Variants in PIK3CD observed in about 807,000 individuals in gnomAD.
PIK3CD encodes the protein phosphatidylinositol 4,5-bisphosphate 3-kinase catalytic subunit delta isoform.
Under a neutral mutation model 122.9 loss-of-function variants are expected in PIK3CD, and 20 were observed. The observed-to-expected ratio is 0.16, with a 90% CI of 0.11 to 0.24. The LOEUF (loss-of-function observed/expected upper bound fraction) is 0.24, where lower values mean the gene tolerates loss of function less well. PIK3CD is among the 10% of genes least tolerant of loss of function. The pLI, the probability that PIK3CD is intolerant of heterozygous loss-of-function variation, is 1.00. For missense variants in PIK3CD, 787 were observed against 1,406.3 expected (o/e 0.56, Z 7.04); for synonymous variants, 596 against 593.4 (o/e 1.00, Z -0.06).
chr1:9,690,405 T>G (rs1408227133), intron 1 of PIK3CD, among the ~76,000 whole-genome samples: 1 of 152,246 alleles, frequency 6.6e-6, no homozygotes, highest in Non-Finnish European at 1.5e-5. Context: ...CTTATGATCC[T>G]GTCTCATTTC....
Position 9,671,842 on chromosome 1 carries a change from T to A in PIK3CD, c.-137-19625T>A, listed in dbSNP as rs1355892804. On this transcript the variant is annotated intron_variant, in intron 1 of 23. Coordinates refer to ENST00000377346, the MANE Select transcript of PIK3CD (RefSeq NM_005026.5). The stretch of plus-strand genomic sequence containing the variant: ...GATCTTGAGCAGGCCATTTTCTTCC[T>A]CTCCCAGGGTGGTGGCAAGAGCCGC... 3.3e-5 allele frequency among the ~76,000 whole-genome samples: 5 copies of A among 152,114 alleles called. No individual in the cohort carries two copies. In the South Asian group the frequency reaches 1.0e-3, roughly 31 times the overall value.
intron 2 of PIK3CD, among the ~76,000 whole-genome samples, chr1:9,709,014 T>C (rs1646948614): frequency 6.6e-6 from 1 of 151,060 alleles, no homozygotes; most frequent in Non-Finnish European, 1.5e-5. Context: ...GACTGGAGGG[T>C]TTGGTATGAT....
upstream of PIK3CD, among the ~76,000 whole-genome samples, chr1:9,649,713 T>C (rs1644638603): frequency 6.6e-6 from 1 of 152,232 alleles, no homozygotes; most frequent in South Asian, 2.1e-4. Flanking sequence ...TTTAAGCCAT[T>C]GTTTCACTAA....
At chr1:9,693,763 G>A (rs538136811) in intron 2 of PIK3CD, among the ~76,000 whole-genome samples, 4 of 152,198 alleles carry the variant, frequency 2.6e-5, no homozygotes, top group South Asian at 2.1e-4. Flanking sequence ...ACAGGAAACC[G>A]ATAGGCGAGA....
the PIK3CD span, among the ~76,000 whole-genome samples, chr1:9,639,536 G>T: frequency 2.0e-5 from 3 of 152,192 alleles, no homozygotes; most frequent in Admixed American, 6.5e-5. Flanking sequence ...AGACTGAAGG[G>T]TTGGGGGCAG....
Position 9,720,536 on chromosome 1 carries a change from G to T in PIK3CD, c.1471-75G>T. ...CGCCCCCTCAAGGATGATTGGGGTG[G>T]CAATGCCCGGCCTGGGGGTCCTGCC... On this transcript the variant is annotated intron_variant, in intron 11 of 23. Coordinates refer to ENST00000377346, the MANE Select transcript of PIK3CD (RefSeq NM_005026.5). This position sits in a 1 kb window ranked among gnomAD's most constrained non-coding sequence, Gnocchi z 9.0. 1 of 1,545,012 alleles carries T rather than the reference G, an allele frequency of 6.5e-7. No individual in the cohort carries two copies. Among genetic ancestry groups the T allele is most frequent in the Non-Finnish European group, 8.7e-7 (1 of 1,143,414 alleles).
At chr1:9,698,295 A>G (rs1436258922) in intron 2 of PIK3CD, among the ~76,000 whole-genome samples, 1 of 152,062 alleles carries the variant, frequency 6.6e-6, no homozygotes, top group Non-Finnish European at 1.5e-5. Flanking sequence ...GGCATGCGCC[A>G]CCACGCCCAA....
chr1:9,721,367 T>TCC, intron 14 of PIK3CD, 77 bp from the exon 15 acceptor site: 1 of 1,608,282 alleles, frequency 6.2e-7, no homozygotes, highest in South Asian at 1.1e-5. Context: ...CTGCCTGGCC[T>TCC]CCCTCTGGCT....
chr1:9,696,342 C>G (rs984509963), intron 2 of PIK3CD, among the ~76,000 whole-genome samples: 1 of 152,102 alleles, frequency 6.6e-6, no homozygotes, highest in Non-Finnish European at 1.5e-5. Context: ...AATCCCAACA[C>G]TTTGGAGCCC....
At position 9,721,130 on chromosome 1, in the gene PIK3CD, C is replaced by T. The variant is rs576655113; in HGVS notation, c.1693C>T (p.Leu565Phe). The change falls in exon 14 of 24, where the codon CTC (leucine) becomes TTC (phenylalanine). Residue 565 changes from leucine to phenylalanine, a missense_variant. Physicochemically the swap from Leu to Phe is conservative, Grantham distance 22. This residue lies in a region of PIK3CD where 592 missense variants were observed against 920.6 expected (regional missense o/e 0.64). Coordinates refer to ENST00000377346, the MANE Select transcript of PIK3CD (RefSeq NM_005026.5). ...GCCTGACCTCGGCTCCCCCCAGATGCTCTACCTGCTGTGCTCCTGGCCGGA... is the reference window on the plus strand; with the variant it reads ...GCCTGACCTCGGCTCCCCCCAGATGTTCTACCTGCTGTGCTCCTGGCCGGA... Reference protein sequence around the residue: ...WNKHEDVAQMLYLLCSWPELP... With the variant: ...WNKHEDVAQMFYLLCSWPELP... 5.0e-6 allele frequency: 8 copies of T among 1,611,324 alleles called. No individual in the cohort carries two copies. The African/African-American group carries it at 8.0e-5, about 16-fold the overall frequency.
chr1:9,654,777 A>C, intron 1 of PIK3CD, among the ~76,000 whole-genome samples: 1 of 152,114 alleles, frequency 6.6e-6, no homozygotes, highest in East Asian at 1.9e-4. Context: ...AGGCTCTTTC[A>C]GGCTGGGCGC....
chr1:9,627,264 C>A, the PIK3CD span, among the ~76,000 whole-genome samples: 2 of 152,240 alleles, frequency 1.3e-5, no homozygotes, highest in African/African-American at 2.4e-5. Context: ...CCGGGGGAGA[C>A]GCCGGCTGGG....
At chr1:9,675,276 C>A (rs1178114425) in intron 1 of PIK3CD, among the ~76,000 whole-genome samples, 1 of 149,162 alleles carries the variant, frequency 6.7e-6, no homozygotes, top group Admixed American at 6.7e-5. Context: ...GTCCCAGCTA[C>A]TCGGGAGGCT....
chr1:9,691,433 TTTTC>T (rs574615710), intron 1 of PIK3CD, 30 bp from the exon 2 acceptor site: 1,717 of 365,010 alleles, frequency 4.7e-3, no homozygotes, highest in Middle Eastern at 7.0e-3. Context: ...GTTAAAATAG[TTTTC>T]TTTCTTTCTT....
At chr1:9,658,241 C>T (rs550705416) in intron 1 of PIK3CD, among the ~76,000 whole-genome samples, 4 of 152,024 alleles carry the variant, frequency 2.6e-5, no homozygotes, top group Admixed American at 2.6e-4. Flanking sequence ...AATAAATTAG[C>T]TGGGCCTTGT....
chr1:9,717,036 G>T lies in PIK3CD; in HGVS notation c.858G>T (p.Arg286=), dbSNP rs1387393660. The T allele has an allele frequency of 5.0e-6, 8 of 1,613,982 alleles. No homozygotes were observed. Among genetic ancestry groups the T allele is most frequent in the Non-Finnish European group, 5.9e-6 (7 of 1,180,012 alleles). ...ATTCCTCCTCCATCCTCGCCATGCG[G>T]GATGAGCAGAGCAACCCTGCCCCCC... ...MVHSSSILAM[R]DEQSNPAPQV... The change falls in exon 7 of 24, where the codon CGG becomes CGT. Residue 286 remains arginine, a synonymous_variant. Coordinates refer to ENST00000377346, the MANE Select transcript of PIK3CD (RefSeq NM_005026.5). The surrounding 1 kb of genome is among the most constrained non-coding windows in gnomAD (Gnocchi z 5.4).
rs769090014 is a variant in PIK3CD at position 9,722,393 on chromosome 1, C to T, written c.2347+37C>T. The T allele has an allele frequency of 1.3e-6, 2 of 1,576,940 alleles. No individual in the cohort carries two copies. The highest frequency in any genetic ancestry group is 1.7e-5 in the Admixed American group (1 of 58,808). On this transcript the variant is annotated intron_variant, in intron 18 of 23. Transcript: ENST00000377346. This position sits in a 1 kb window ranked among gnomAD's most constrained non-coding sequence, Gnocchi z 7.6. ...GCCTCCCCACACCCCGCCTGTACTG[C>T]CCTGGGGGGTCCTGGGGTGCTCCTA...
At position 9,654,084 on chromosome 1, in the gene PIK3CD, A is replaced by G. The variant is rs564557195; in HGVS notation, c.-138+2282A>G. The stretch of plus-strand genomic sequence containing the variant: ...AGAGCCCATCTCTGAGAAACATAAT[A>G]CAACAACCCAGTTGCCTGCTCCAGA... On this transcript the variant is annotated intron_variant, in intron 1 of 23. Transcript: ENST00000377346. 5.1e-6 allele frequency: 6 copies of G among 1,185,372 alleles called. No individual in the cohort carries two copies. The East Asian group carries it at 3.4e-4, about 68-fold the overall frequency. 73.4% of individuals were successfully genotyped at this position (1,185,372 alleles called of 1,614,324 possible). A position where few individuals can be genotyped will look rare whatever the true frequency, so the allele number is the denominator to read the frequency against.
intron 1 of PIK3CD, among the ~76,000 whole-genome samples, chr1:9,668,612 T>A (rs1209098834): frequency 6.6e-6 from 1 of 152,254 alleles, no homozygotes; most frequent in South Asian, 2.1e-4. Context: ...TAGTCTTTTA[T>A]CCCTCACCCT....
Sources: allele counts gnomAD v4.1 joint callset (sites outside exome capture counted in the v4.1 genomes callset), GRCh38; gene constraint gnomAD v4.1.1; regional missense constraint gnomAD v4.1.1; non-coding constraint Gnocchi (gnomAD v3.1); transcripts MANE v1.5; gene names NCBI Gene and HGNC (gene_info 2026-07-23, HGNC 2026-07-21).